The following GRM2 variants were observed in gnomAD, a reference collection of about 807,000 sequenced individuals.
GRM2 encodes metabotropic glutamate receptor 2.
Under a neutral mutation model 60.4 loss-of-function variants are expected in GRM2, and 35 were observed. The observed-to-expected ratio is 0.58, with a 90% CI of 0.44 to 0.77. GRM2 has a LOEUF of 0.77. Ranked by LOEUF, GRM2 falls within the 30% of genes least tolerant of loss-of-function variation. GRM2 has a pLI of 0.00. For synonymous variants in GRM2, 437 were observed against 484.1 expected, an observed-to-expected ratio of 0.90 and a Z score of 1.28; for missense variants, 925 against 1,199.5, an observed-to-expected ratio of 0.77 and a Z score of 3.38.
chr3:51,709,670 A>C (rs1480875040), intron 2 of GRM2, among the ~76,000 whole-genome samples: 2 of 5,464 alleles, frequency 3.7e-4, no homozygotes, highest in African/African-American at 1.1e-3. Context: ...ACACACCCTC[A>C]CACACACACA....
chr3:51,715,867 G>A lies in GRM2; in HGVS notation c.2094G>A (p.Leu698=). ...AGCTGCTCATCGTGGTCGCCTGGCTGGTGGTGGAGGCACCGGGCACAGGCA... is the reference window on the plus strand; with the variant it reads ...AGCTGCTCATCGTGGTCGCCTGGCTAGTGGTGGAGGCACCGGGCACAGGCA... ...SGQLLIVVAW[L]VVEAPGTGKE... Residue 698 remains leucine (L), a synonymous_variant, in exon 4 of 6, where the codon CTG becomes CTA. Coordinates refer to ENST00000395052, the MANE Select transcript of GRM2 (RefSeq NM_000839.5). The surrounding 1 kb of genome is among the most constrained non-coding windows in gnomAD (Gnocchi z 9.0). 1 of 1,613,334 alleles carries A rather than the reference G, an allele frequency of 6.2e-7. No homozygotes were observed. Among genetic ancestry groups the A allele is most frequent in the Non-Finnish European group, 8.5e-7 (1 of 1,179,916 alleles).
chr3:51,717,541 A>G lies in GRM2; in HGVS notation c.2365-96A>G. On this transcript the variant is annotated intron_variant, in intron 4 of 5. Coordinates refer to ENST00000395052, the MANE Select transcript of GRM2 (RefSeq NM_000839.5). The surrounding 1 kb of genome is among the most constrained non-coding windows in gnomAD (Gnocchi z 6.0). ...GACCACAGCCCAGTGTTGGATGCTT[A>G]GTCTCCCCCACTCCCTCCCCCACAG... The G allele has an allele frequency of 1.1e-6, 1 of 941,866 alleles. No homozygotes were observed. Among genetic ancestry groups the G allele is most frequent in the South Asian group, 1.5e-5 (1 of 65,018 alleles). The allele number at this position is 941,866 out of a possible 1,614,324, so 58.3% of individuals were successfully genotyped here. A position where few individuals can be genotyped will look rare whatever the true frequency, so the allele number is the denominator to read the frequency against.
Position 51,715,922 on chromosome 3 carries a change from G to T in GRM2, c.2149G>T (p.Val717Leu). 1 of 1,613,652 alleles carries T rather than the reference G, an allele frequency of 6.2e-7. No individual in the cohort carries two copies. Among genetic ancestry groups the T allele is most frequent in the Non-Finnish European group, 8.5e-7 (1 of 1,179,994 alleles). ...KETAPERREV[V>L]TLRCNHRDAS... The stretch of plus-strand genomic sequence containing the variant: ...GACAGCCCCCGAACGGCGGGAGGTG[G>T]TGACACTGCGCTGCAACCACCGCGA... The change falls in exon 4 of 6, where the codon GTG (valine) becomes TTG (leucine). Residue 717 changes from valine to leucine, a missense_variant. Coordinates refer to ENST00000395052, the MANE Select transcript of GRM2 (RefSeq NM_000839.5). The surrounding 1 kb of genome is among the most constrained non-coding windows in gnomAD (Gnocchi z 9.0).
At position 51,712,428 on chromosome 3, in the gene GRM2, G is replaced by A. The variant is rs751264593; in HGVS notation, c.451-45G>A. 1 of 1,328,276 alleles carries A rather than the reference G, an allele frequency of 7.5e-7. No individual in the cohort carries two copies. The highest frequency in any genetic ancestry group is 1.1e-6 in the Non-Finnish European group (1 of 932,248). The allele number at this position is 1,328,276 out of a possible 1,614,324, so 82.3% of individuals were successfully genotyped here. A position where few individuals can be genotyped will look rare whatever the true frequency, so the allele number is the denominator to read the frequency against. On this transcript the variant is annotated intron_variant, in intron 2 of 5. Transcript: ENST00000395052. This position sits in a 1 kb window ranked among gnomAD's most constrained non-coding sequence, Gnocchi z 5.3. ...TGTGGGGGATGCACCTGTCTCTAGTGTTTGATCTGACCGCTGATCTTTGCC... is the reference window on the plus strand; with the variant it reads ...TGTGGGGGATGCACCTGTCTCTAGTATTTGATCTGACCGCTGATCTTTGCC...
intron 2 of GRM2, among the ~76,000 whole-genome samples, chr3:51,710,602 G>C (rs1213838055): frequency 8.6e-5 from 13 of 150,800 alleles, no homozygotes; most frequent in Non-Finnish European, 1.8e-4. Context: ...TCAGGGTAGG[G>C]GAGTCAGAAG....
Position 51,718,416 on chromosome 3 carries a change from G to A in GRM2, c.*304G>A, listed in dbSNP as rs892435898. 29 of 408,436 alleles carry A rather than the reference G, an allele frequency of 7.1e-5. No homozygotes were observed. The South Asian group carries it at 7.7e-4, about 11-fold the overall frequency. The allele number at this position is 408,436 out of a possible 1,614,324, so 25.3% of individuals were successfully genotyped here. A position where few individuals can be genotyped will look rare whatever the true frequency, so the allele number is the denominator to read the frequency against. ...GCCCTGGACCCGGGTGGCTGAGGAC[G>A]GCAGGCCCCAGTCCTAACCAGCAAA... On this transcript the variant is annotated 3_prime_UTR_variant, in exon 6 of 6. Transcript: ENST00000395052. The surrounding 1 kb of genome is among the most constrained non-coding windows in gnomAD (Gnocchi z 4.2).
At chr3:51,710,062 C>T (rs968037390) in intron 2 of GRM2, among the ~76,000 whole-genome samples, 1 of 151,640 alleles carries the variant, frequency 6.6e-6, no homozygotes, top group Non-Finnish European at 1.5e-5. Flanking sequence ...AGATCTCAGC[C>T]CACTGCAATC....
Position 51,709,010 on chromosome 3 carries a change from A to G in GRM2, c.27A>G (p.Ala9=). Residue 9 remains alanine (A), a synonymous_variant, in exon 2 of 6, where the codon GCA becomes GCG. Coordinates refer to ENST00000395052, the MANE Select transcript of GRM2 (RefSeq NM_000839.5). ...TGGGATCGCTGCTTGCGCTCCTGGC[A>G]CTGCTGCTGCTGTGGGGTGCTGTGG... is the stretch of plus-strand genomic sequence containing the variant. MGSLLALL[A]LLLLWGAVAE... 1 of 1,589,572 alleles carries G rather than the reference A, an allele frequency of 6.3e-7. No individual in the cohort carries two copies.
chr3:51,711,344 T>A (rs1340871714), intron 2 of GRM2: 1 of 152,586 alleles, frequency 6.6e-6, no homozygotes, highest in African/African-American at 2.4e-5. Context: ...TCCTACCTGC[T>A]GCTGTCTTCC....
In GRM2 at chr3:51,715,920, T is replaced by C. The variant is rs372842577; in HGVS notation, c.2147T>C (p.Val716Ala). 8.8e-6 allele frequency: 14 copies of C among 1,599,124 alleles called. No homozygotes were observed. In the African/African-American group the frequency reaches 1.3e-4, roughly 15 times the overall value. ...GAGACAGCCCCCGAACGGCGGGAGG[T>C]GGTGACACTGCGCTGCAACCACCGC... Reference protein sequence around the residue: ...GKETAPERREVVTLRCNHRDA... With the variant: ...GKETAPERREAVTLRCNHRDA... Residue 716 changes from valine (V) to alanine (A), a missense_variant, in exon 4 of 6, where the codon GTG becomes GCG. Coordinates refer to ENST00000395052, the MANE Select transcript of GRM2 (RefSeq NM_000839.5). The surrounding 1 kb of genome is among the most constrained non-coding windows in gnomAD (Gnocchi z 9.0).
intron 2 of GRM2, among the ~76,000 whole-genome samples, chr3:51,710,125 G>T (rs923930469): frequency 4.6e-5 from 7 of 151,928 alleles, no homozygotes; most frequent in Admixed American, 1.3e-4. Context: ...AAGTAGCTGG[G>T]ATTACAGGCG....
intron 2 of GRM2, among the ~76,000 whole-genome samples, chr3:51,709,786 CCA>C (rs146641469): frequency 7.9e-6 from 1 of 126,750 alleles, no homozygotes; most frequent in Admixed American, 7.6e-5. Context: ...CCCCACACAC[CCA>C]CACACACCCC....
chr3:51,708,871 C>G lies in GRM2; in HGVS notation c.-113C>G, dbSNP rs1337936825. ...AGGAGCTGGGTCCCTTCGCATCTCT[C>G]TTCTTGTCTGTCCTTTCCTGGTCCC... is the stretch of plus-strand genomic sequence containing the variant. On this transcript the variant is annotated 5_prime_UTR_variant, in exon 2 of 6. Transcript: ENST00000395052. 9 of 791,034 alleles carry G rather than the reference C, an allele frequency of 1.1e-5. No homozygotes were observed. The highest frequency in any genetic ancestry group is 2.7e-5 in the East Asian group (1 of 36,944). The allele number at this position is 791,034 out of a possible 1,614,324, so 49.0% of individuals were successfully genotyped here. A position where few individuals can be genotyped will look rare whatever the true frequency, so the allele number is the denominator to read the frequency against.
In GRM2 at chr3:51,717,314, T is replaced by C. The variant is rs1162763918; in HGVS notation, c.2365-323T>C. Among the ~76,000 whole-genome samples the C allele has an allele frequency of 6.6e-6, 1 of 152,008 alleles. No homozygotes were observed. Among genetic ancestry groups the C allele is most frequent in the African/African-American group, 2.4e-5 (1 of 41,358 alleles). On this transcript the variant is annotated intron_variant, in intron 4 of 5. Transcript: ENST00000395052. This position sits in a 1 kb window ranked among gnomAD's most constrained non-coding sequence, Gnocchi z 6.0. Reference sequence around the variant, plus strand: ...GCAGAAATTCACCACCCCACATACATGCACTTACACAGATATACACACACA... The same window carrying C: ...GCAGAAATTCACCACCCCACATACACGCACTTACACAGATATACACACACA...
Position 51,709,374 on chromosome 3 carries a change from G to A in GRM2, c.391G>A (p.Asp131Asn). 6.3e-7 allele frequency: 1 copy of A among 1,584,782 alleles called. No individual in the cohort carries two copies. Among genetic ancestry groups the A allele is most frequent in the Non-Finnish European group, 8.6e-7 (1 of 1,157,116 alleles). Residue 131 changes from aspartate to asparagine, a missense_variant, in exon 2 of 6, where the codon GAT becomes AAT. Coordinates refer to ENST00000395052, the MANE Select transcript of GRM2 (RefSeq NM_000839.5). The part of the protein sequence containing the change: ...CPDGSYATHG[D>N]APTAITGVIG... ...CGACGGCTCTTATGCGACCCATGGT[G>A]ATGCTCCCACTGCCATCACTGGTGT...
chr3:51,709,123 C>G lies in GRM2; in HGVS notation c.140C>G (p.Ala47Gly), dbSNP rs886572875. The G allele has an allele frequency of 3.1e-6, 5 of 1,612,220 alleles. No individual in the cohort carries two copies. Among genetic ancestry groups the G allele is most frequent in the African/African-American group, 2.7e-5 (2 of 74,918 alleles). ...CCAGTGCACCAGAAGGGCGGCCCAG[C>G]AGAGGACTGTGGTCCTGTCAATGAG... The part of the protein sequence containing the change: ...LFPVHQKGGP[A>G]EDCGPVNEHR... Residue 47 changes from alanine to glycine, a missense_variant, in exon 2 of 6, where the codon GCA (alanine) becomes GGA (glycine). Transcript: ENST00000395052.
Position 51,717,798 on chromosome 3 carries a change from C to A in GRM2, c.2526C>A (p.Ala842=). Residue 842 remains alanine, a synonymous_variant, in exon 5 of 6, where the codon GCC becomes GCA. Transcript: ENST00000395052. The surrounding 1 kb of genome is among the most constrained non-coding windows in gnomAD (Gnocchi z 6.0). The part of the protein sequence containing the change: ...TSRFGSAAAR[A]SSSLGQGSGS... ...GCTTTGGCAGTGCTGCTGCCAGGGC[C>A]AGCTCCAGCCTTGGCCAAGGTCAGT... The A allele has an allele frequency of 1.9e-6, 3 of 1,613,970 alleles. No homozygotes were observed. Among genetic ancestry groups the A allele is most frequent in the Non-Finnish European group, 2.5e-6 (3 of 1,179,942 alleles).
rs1403313876 is a variant in GRM2, at chr3:51,717,194, C to T, written c.2365-443C>T. The stretch of plus-strand genomic sequence containing the variant: ...TGCACACACACATATCCCACATACA[C>T]ACACTCGCTGGCACACACACATATA... On this transcript the variant is annotated intron_variant, in intron 4 of 5. Transcript: ENST00000395052. The surrounding 1 kb of genome is among the most constrained non-coding windows in gnomAD (Gnocchi z 6.0). 1.3e-5 allele frequency among the ~76,000 whole-genome samples: 2 copies of T among 152,042 alleles called. No individual in the cohort carries two copies. Among genetic ancestry groups the T allele is most frequent in the African/African-American group, 4.8e-5 (2 of 41,364 alleles).
At position 51,717,748 on chromosome 3, in the gene GRM2, G is replaced by T. The variant is rs768260967; in HGVS notation, c.2476G>T (p.Val826Phe). 6.2e-7 allele frequency: 1 copy of T among 1,614,120 alleles called. No homozygotes were observed. The highest frequency in any genetic ancestry group is 8.5e-7 in the Non-Finnish European group (1 of 1,180,040). Residue 826 changes from valine to phenylalanine, a missense_variant, in exon 5 of 6, where the codon GTT (valine) becomes TTT (phenylalanine). Transcript: ENST00000395052. This position sits in a 1 kb window ranked among gnomAD's most constrained non-coding sequence, Gnocchi z 6.0. Reference sequence around the variant, plus strand: ...CCTCTTCCAGCCGCAGAAGAACGTGGTTAGCCACCGGGCACCCACCAGCCG... The same window carrying T: ...CCTCTTCCAGCCGCAGAAGAACGTGTTTAGCCACCGGGCACCCACCAGCCG... ...IILFQPQKNV[V>F]SHRAPTSRFG...
Sources: allele counts gnomAD v4.1 joint callset (sites outside exome capture counted in the v4.1 genomes callset), GRCh38; gene constraint gnomAD v4.1.1; non-coding constraint Gnocchi (gnomAD v3.1); transcripts MANE v1.5; gene names NCBI Gene and HGNC (gene_info 2026-07-23, HGNC 2026-07-21).